Variants in MDGA2 observed in about 807,000 individuals in gnomAD.
The protein encoded by MDGA2 is MAM domain-containing glycosylphosphatidylinositol anchor protein 2.
MDGA2 carries 40 observed loss-of-function variants against 117.8 expected under a neutral mutation model. The ratio of observed to expected loss-of-function variants is 0.34; its 90% CI spans 0.26 to 0.44. The LOEUF is 0.44. Among genes scored for constraint, MDGA2 ranks in the 20% least tolerant of loss-of-function variants. The probability of loss-of-function intolerance (pLI) is 1.00; values close to 1 mark genes in which losing one functional copy is unlikely to be tolerated. For missense variants in MDGA2, 1,123 were observed against 1,250.6 expected (o/e 0.90, Z 1.54); for synonymous variants, 452 against 439.0 (o/e 1.03, Z -0.37).
chr14:47,305,672 T>A (rs886296408), intron 1 of MDGA2, among the ~76,000 whole-genome samples: 1 of 152,168 alleles, frequency 6.6e-6, no homozygotes, highest in Admixed American at 6.6e-5. Flanking sequence ...GCAGCTGCTA[T>A]AGCAGGCATG....
intron 1 of MDGA2, among the ~76,000 whole-genome samples, chr14:47,454,372 T>C (rs1413331627): frequency 1.3e-5 from 2 of 152,168 alleles, no homozygotes; most frequent in Non-Finnish European, 2.9e-5. Flanking sequence ...AATAATGATG[T>C]TTTACATTCT....
intron 1 of MDGA2, among the ~76,000 whole-genome samples, chr14:47,414,887 T>C (rs893548972): frequency 3.3e-5 from 5 of 152,122 alleles, no homozygotes; most frequent in African/African-American, 1.2e-4. Flanking sequence ...ATCATCATTT[T>C]TACTAACACT....
At position 47,136,197 on chromosome 14, in the gene MDGA2, CT is replaced by C. The variant is rs34818512; in HGVS notation, c.793-4352del. ...ATTATTTCAAGAAAGTGTTTTCTCT[CT>C]TTTTTTTTTTTTTTTTTTGAGACAT... On this transcript the variant is annotated intron_variant, in intron 4 of 16. Transcript: ENST00000399232. 6.2e-3 allele frequency among the ~76,000 whole-genome samples: 817 copies of C among 131,024 alleles called. 2 individuals are homozygous for C. The highest frequency in any genetic ancestry group is 0.011 in the South Asian group (45 of 4,104). The allele number at this position is 131,024 out of a possible 152,430, so 86.0% of individuals were successfully genotyped here.
intron 7 of MDGA2, among the ~76,000 whole-genome samples, chr14:47,047,072 G>A (rs1889293142): frequency 6.6e-6 from 1 of 151,950 alleles, no homozygotes; most frequent in Non-Finnish European, 1.5e-5. Flanking sequence ...TGATAAATTT[G>A]GCTATTCATT....
intron 15 of MDGA2, among the ~76,000 whole-genome samples, chr14:46,848,488 T>C (rs11851774): frequency 1.3e-5 from 2 of 151,970 alleles, no homozygotes; most frequent in African/African-American, 4.8e-5. Flanking sequence ...TTAATTACAA[T>C]GATCCTGCCA....
At chr14:47,362,931 GT>G (rs1417263042) in intron 1 of MDGA2, among the ~76,000 whole-genome samples, 1 of 152,138 alleles carries the variant, frequency 6.6e-6, no homozygotes, top group Non-Finnish European at 1.5e-5. Flanking sequence ...GATAGTTTTT[GT>G]TTTGAATTGA....
chr14:47,378,051 C>T (rs192266205), intron 1 of MDGA2, among the ~76,000 whole-genome samples: 2 of 152,176 alleles, frequency 1.3e-5, no homozygotes, highest in African/African-American at 4.8e-5. Context: ...TGCCGTTCTG[C>T]CATGTTTGCT....
intron 2 of MDGA2, among the ~76,000 whole-genome samples, chr14:47,236,692 CTG>C (rs1432057628): frequency 6.6e-6 from 1 of 152,124 alleles, no homozygotes; most frequent in African/African-American, 2.4e-5. Context: ...TAAAAGGATG[CTG>C]TGTCTTTATA....
chr14:47,269,145 C>A (rs1444528359), intron 2 of MDGA2, among the ~76,000 whole-genome samples: 1 of 152,230 alleles, frequency 6.6e-6, no homozygotes, highest in South Asian at 2.1e-4. Context: ...AATATTCTGT[C>A]ATCCTTAAGA....
At chr14:47,297,399 A>T (rs541639187) in intron 2 of MDGA2, among the ~76,000 whole-genome samples, 1 of 148,976 alleles carries the variant, frequency 6.7e-6, no homozygotes, top group African/African-American at 2.5e-5. Context: ...GAGAAAGAAG[A>T]AAGAGGAAGG....
chr14:47,367,023 A>C (rs1202050594), intron 1 of MDGA2, among the ~76,000 whole-genome samples: 1 of 152,088 alleles, frequency 6.6e-6, no homozygotes, highest in Non-Finnish European at 1.5e-5. Context: ...TCCATAGACT[A>C]ATCATCTGTC....
Position 47,531,376 on chromosome 14 carries a change from G to C in MDGA2, c.280+143141C>G, listed in dbSNP as rs9323144. Among the ~76,000 whole-genome samples, 3 of 152,050 alleles carry C rather than the reference G, an allele frequency of 2.0e-5. No individual in the cohort carries two copies. The East Asian group carries it at 5.8e-4, about 29-fold the overall frequency. ...CACTCTCAAAATGAGGATACAAGAC[G>C]CACAATCACATAAAATGTGTATGTG... On this transcript the variant is annotated intron_variant, in intron 1 of 16. Transcript: ENST00000399232.
chr14:47,674,375 A>T, intron 1 of MDGA2, 142 bp downstream of exon 1: 1 of 704,858 alleles, frequency 1.4e-6, no homozygotes, highest in Non-Finnish European at 2.3e-6. Context: ...CTGCCTCTTT[A>T]TCGCTCCCAA....
At chr14:46,936,602 T>C (rs544508987) in intron 9 of MDGA2, among the ~76,000 whole-genome samples, 1 of 152,244 alleles carries the variant, frequency 6.6e-6, no homozygotes, top group East Asian at 1.9e-4. Context: ...TGAAGGACTT[T>C]TCTCTTCCCG....
At chr14:47,107,284 G>T (rs1452380043) in intron 5 of MDGA2, among the ~76,000 whole-genome samples, 1 of 151,840 alleles carries the variant, frequency 6.6e-6, no homozygotes, top group Non-Finnish European at 1.5e-5. Context: ...CATTTTACCT[G>T]TCCTAAAACC....
rs112610693 is a variant in MDGA2, at chr14:47,460,705, G to A, written c.281-159155C>T. 2.1e-3 allele frequency among the ~76,000 whole-genome samples: 321 copies of A among 152,052 alleles called. 2 individuals are homozygous for A. The highest frequency in any genetic ancestry group is 7.5e-3 in the African/African-American group (311 of 41,460). On this transcript the variant is annotated intron_variant, in intron 1 of 16. Coordinates refer to ENST00000399232, the MANE Select transcript of MDGA2 (RefSeq NM_001113498.3). Reference sequence around the variant, plus strand: ...GGGATATTACATAATGGCATGCCATGGTGTACTGAAAACAGAACCCAGGGG... The same window carrying A: ...GGGATATTACATAATGGCATGCCATAGTGTACTGAAAACAGAACCCAGGGG...
intron 1 of MDGA2, among the ~76,000 whole-genome samples, chr14:47,418,480 T>C (rs949335517): frequency 6.6e-6 from 1 of 152,192 alleles, no homozygotes; most frequent in Non-Finnish European, 1.5e-5. Flanking sequence ...GATTCCTAGA[T>C]GATGGCTTCT....
chr14:47,376,603 T>C (rs915848882), intron 1 of MDGA2, among the ~76,000 whole-genome samples: 1 of 152,178 alleles, frequency 6.6e-6, no homozygotes, highest in African/African-American at 2.4e-5. Context: ...GATAAATACT[T>C]GCTGATTTTC....
At position 46,941,547 on chromosome 14, in the gene MDGA2, A is replaced by T. The variant is rs377366905; in HGVS notation, c.2089+15827T>A. Among the ~76,000 whole-genome samples the T allele has an allele frequency of 1.1e-3, 174 of 152,270 alleles. 1 individual carries two copies. Among genetic ancestry groups the T allele is most frequent in the African/African-American group, 4.0e-3 (166 of 41,560 alleles). On this transcript the variant is annotated intron_variant, in intron 9 of 16. Coordinates refer to ENST00000399232, the MANE Select transcript of MDGA2 (RefSeq NM_001113498.3). ...GGTGAAGGACAGAGGCCAGGTGCTT[A>T]AACAGACACCGGGAGGTTTGAGAGA...
Sources: gnomAD v4.1 joint callset for allele counts (sites outside exome capture counted in the v4.1 genomes callset) on GRCh38, gnomAD v4.1.1 for gene constraint, MANE v1.5 for transcripts, NCBI Gene and HGNC (gene_info 2026-07-23, HGNC 2026-07-21) for gene names.